Variants in IQSEC1 observed in about 807,000 individuals in gnomAD.
IQSEC1 encodes IQ motif and Sec7 domain ArfGEF 1, also known as IQ motif and SEC7 domain-containing protein 1.
Under a neutral mutation model 91.0 loss-of-function variants are expected in IQSEC1, and 31 were observed. That is an observed-to-expected ratio of 0.34 (90% confidence interval 0.26 to 0.46). The LOEUF (loss-of-function observed/expected upper bound fraction) is 0.46. IQSEC1 is among the 20% of genes least tolerant of loss of function. IQSEC1 has a pLI of 1.00. For missense variants in IQSEC1, 1,388 were observed against 1,575.6 expected (o/e 0.88, Z 2.02); for synonymous variants, 699 against 662.6 (o/e 1.05, Z -0.84).
intron 2 of IQSEC1, among the ~76,000 whole-genome samples, chr3:13,152,408 A>G (rs358349): frequency 0.32 from 48,104 of 152,146 alleles, 8,000 homozygotes; most frequent in East Asian, 0.54. Context: ...ATATTAATAC[A>G]CTATTTTCAA....
intron 2 of IQSEC1, among the ~76,000 whole-genome samples, chr3:13,115,095 G>A (rs1309259546): frequency 6.6e-6 from 1 of 152,230 alleles, no homozygotes; most frequent in African/African-American, 2.4e-5. Flanking sequence ...CATGGAATGT[G>A]GATTTCCTTC....
intron 1 of IQSEC1, among the ~76,000 whole-genome samples, chr3:13,016,940 GC>G (rs1437005436): frequency 6.6e-6 from 1 of 152,160 alleles, no homozygotes; most frequent in Non-Finnish European, 1.5e-5. Context: ...CTATAGATTT[GC>G]CTGTTCTGGA....
At chr3:12,902,288 A>T (rs1694401009) in intron 13 of IQSEC1, among the ~76,000 whole-genome samples, 1 of 152,170 alleles carries the variant, frequency 6.6e-6, no homozygotes, top group African/African-American at 2.4e-5. Flanking sequence ...GTCCTGCCGC[A>T]GACACACAGC....
intron 1 of IQSEC1, among the ~76,000 whole-genome samples, chr3:13,176,040 T>C (rs1693722061): frequency 6.6e-6 from 1 of 152,240 alleles, no homozygotes; most frequent in Admixed American, 6.5e-5. Flanking sequence ...GGTTGGGTCA[T>C]GATAGACATT....
At chr3:13,073,474 C>T (rs144807247), upstream of IQSEC1, among the ~76,000 whole-genome samples, 555 of 152,258 alleles carry the variant, frequency 3.6e-3, 23 homozygotes, top group South Asian at 0.082. Context: ...CCCCCGCGCC[C>T]AAGGAGCAAC....
chr3:12,956,753 G>T (rs1487702472), intron 1 of IQSEC1, among the ~76,000 whole-genome samples: 1 of 152,134 alleles, frequency 6.6e-6, no homozygotes, highest in Non-Finnish European at 1.5e-5. Context: ...TGGGGAGTGT[G>T]GGGGGAGCTC....
Position 13,214,535 on chromosome 3 carries a change from G to A in IQSEC1, c.273-50402C>T, listed in dbSNP as rs536811874. 5.3e-4 allele frequency among the ~76,000 whole-genome samples: 80 copies of A among 152,370 alleles called. No individual in the cohort carries two copies. The highest frequency in any genetic ancestry group is 1.7e-3 in the African/African-American group (72 of 41,594). ...CTCCCTTTCATGGCCTCCATTGCAC[G>A]TGGGTGCAGCCTGGGGCCTCTCACT... On this transcript the variant is annotated intron_variant, in intron 1 of 15. Transcript: ENST00000648114. This position sits in a 1 kb window ranked among gnomAD's most constrained non-coding sequence, Gnocchi z 4.5.
intron 1 of IQSEC1, among the ~76,000 whole-genome samples, chr3:13,205,228 G>A (rs894876758): frequency 2.8e-4 from 43 of 152,080 alleles, no homozygotes; most frequent in African/African-American, 9.7e-4. Context: ...GCAAGCCGAC[G>A]TGTTCATGTT....
chr3:13,097,866 G>A (rs1705991141), intron 2 of IQSEC1, among the ~76,000 whole-genome samples: 2 of 152,216 alleles, frequency 1.3e-5, no homozygotes, highest in Non-Finnish European at 2.9e-5. Flanking sequence ...GCGCCTGTGT[G>A]CAGCCCCTTT....
intron 1 of IQSEC1, among the ~76,000 whole-genome samples, chr3:13,252,389 G>C (rs915293393): frequency 6.6e-6 from 1 of 152,150 alleles, no homozygotes; most frequent in Non-Finnish European, 1.5e-5. Context: ...TGTTTTTAAG[G>C]CTCAACCATA....
At chr3:13,186,705 C>T (rs1693937179) in intron 1 of IQSEC1, among the ~76,000 whole-genome samples, 2 of 152,080 alleles carry the variant, frequency 1.3e-5, no homozygotes, top group African/African-American at 4.8e-5. Flanking sequence ...AGGGGATGGC[C>T]AGACACGTGA....
At chr3:13,271,705 G>A (rs1695593293) in intron 1 of IQSEC1, among the ~76,000 whole-genome samples, 1 of 152,154 alleles carries the variant, frequency 6.6e-6, no homozygotes, top group African/African-American at 2.4e-5. Flanking sequence ...CTGATAGGGA[G>A]GATTGCTTGA....
chr3:12,996,923 G>T (rs1302294973), intron 1 of IQSEC1, among the ~76,000 whole-genome samples: 1 of 152,224 alleles, frequency 6.6e-6, no homozygotes, highest in Non-Finnish European at 1.5e-5. Flanking sequence ...GGGAAGAAAT[G>T]AGCACTCTCA....
chr3:13,217,048 C>T (rs12632098), intron 1 of IQSEC1, among the ~76,000 whole-genome samples: 30,376 of 151,920 alleles, frequency 0.2, 4,326 homozygotes, highest in African/African-American at 0.39. Context: ...CATTCTCCCC[C>T]ATTACAGATG....
chr3:13,123,530 C>A (rs1186871057), intron 2 of IQSEC1, among the ~76,000 whole-genome samples: 1 of 152,240 alleles, frequency 6.6e-6, no homozygotes, highest in African/African-American at 2.4e-5. Flanking sequence ...GGCCTTGTGA[C>A]TTCGCCATTT....
intron 1 of IQSEC1, among the ~76,000 whole-genome samples, chr3:13,165,536 GCGT>G (rs1693474727): frequency 7.3e-5 from 2 of 27,508 alleles, no homozygotes; most frequent in African/African-American, 2.1e-4. Context: ...TGGGGGGGTG[GCGT>G]GTGTGTGTGT....
chr3:13,171,394 T>C (rs1693608343), intron 1 of IQSEC1, among the ~76,000 whole-genome samples: 1 of 152,146 alleles, frequency 6.6e-6, no homozygotes, highest in East Asian at 1.9e-4. Context: ...TTGTACCTGC[T>C]CTTTCTCAGA....
chr3:13,205,719 C>T (rs1268569423), intron 1 of IQSEC1, among the ~76,000 whole-genome samples: 12 of 151,266 alleles, frequency 7.9e-5, no homozygotes, highest in South Asian at 2.1e-4. Flanking sequence ...GCCACCTATC[C>T]ATCCAACTAT....
intron 12 of IQSEC1, among the ~76,000 whole-genome samples, chr3:12,906,697 G>A (rs1217752905): frequency 2.0e-5 from 3 of 152,246 alleles, no homozygotes; most frequent in Non-Finnish European, 2.9e-5. Flanking sequence ...GCCGGCACGT[G>A]GCTGTCCAAC....
Sources: gnomAD v4.1 joint callset for allele counts (sites outside exome capture counted in the v4.1 genomes callset) on GRCh38, gnomAD v4.1.1 for gene constraint, Gnocchi (gnomAD v3.1) non-coding constraint, MANE v1.5 for transcripts, NCBI Gene and HGNC (gene_info 2026-07-23, HGNC 2026-07-21) for gene names.